The following DOCK3 variants were observed in gnomAD, a reference collection of about 807,000 sequenced individuals.
The protein encoded by DOCK3 is dedicator of cytokinesis protein 3.
A neutral mutation model predicts 265.6 loss-of-function variants in DOCK3; 60 were observed. That is an observed-to-expected ratio of 0.23 (90% CI 0.18 to 0.28). The LOEUF (loss-of-function observed/expected upper bound fraction) is 0.28. Ranked by LOEUF, DOCK3 falls within the 10% of genes least tolerant of loss-of-function variation. The probability of loss-of-function intolerance (pLI) is 1.00; values close to 1 mark genes in which losing one functional copy is unlikely to be tolerated. For missense variants in DOCK3, 1,981 were observed against 2,594.3 expected, an observed-to-expected ratio of 0.76 and a Z score of 5.14; for synonymous variants, 881 against 938.0, an observed-to-expected ratio of 0.94 and a Z score of 1.11.
At chr3:51,078,916 C>A (rs956389780) in intron 7 of DOCK3, among the ~76,000 whole-genome samples, 3 of 152,106 alleles carry the variant, frequency 2.0e-5, no homozygotes, top group Admixed American at 6.5e-5. Context: ...AATTTCCTGT[C>A]TTTTTATCTC....
chr3:50,719,738 C>T lies in DOCK3; in HGVS notation c.37+44438C>T, dbSNP rs578073379. The T allele has an allele frequency of 1.2e-5, 15 of 1,290,506 alleles. No individual in the cohort carries two copies. In the African/African-American group the frequency reaches 2.0e-4, roughly 18 times the overall value. 79.9% of individuals were successfully genotyped at this position (1,290,506 alleles called of 1,614,324 possible). On this transcript the variant is annotated intron_variant, in intron 1 of 52. Coordinates refer to ENST00000266037, the MANE Select transcript of DOCK3 (RefSeq NM_004947.5). ...TGAAGTTCTTATCATCAAATTTCTC[C>T]CTATAGATGGACTTGCCACCAGTGC...
At chr3:51,171,110 T>G (rs1163641381) in intron 12 of DOCK3, among the ~76,000 whole-genome samples, 1 of 152,172 alleles carries the variant, frequency 6.6e-6, no homozygotes, top group East Asian at 1.9e-4. Context: ...GTTTGCTATT[T>G]TTTAGTTCCT....
intron 1 of DOCK3, among the ~76,000 whole-genome samples, chr3:50,750,487 G>C (rs1020603325): frequency 2.6e-5 from 4 of 151,830 alleles, no homozygotes; most frequent in Non-Finnish European, 5.9e-5. Flanking sequence ...CTGCCACCAC[G>C]CCCAGCTAAT....
intron 14 of DOCK3, among the ~76,000 whole-genome samples, chr3:51,216,945 C>T (rs2089820145): frequency 1.3e-5 from 2 of 152,064 alleles, no homozygotes; most frequent in Admixed American, 1.3e-4. Context: ...GCTGGTGTGA[C>T]CAAGTTACAA....
rs182577699 is a variant in DOCK3 at position 50,787,624 on chromosome 3, C to G, written c.121+8866C>G. On this transcript the variant is annotated intron_variant, in intron 2 of 52. Transcript: ENST00000266037. Reference sequence around the variant, plus strand: ...AGGCTCCTTTGTTTCCCGCTTCTTACGCTTAGGTGGCTCTGCACTCTTCCT... The same window carrying G: ...AGGCTCCTTTGTTTCCCGCTTCTTAGGCTTAGGTGGCTCTGCACTCTTCCT... 223 of 1,273,156 alleles carry G rather than the reference C, an allele frequency of 1.8e-4. 1 individual carries two copies. In the African/African-American group the frequency reaches 3.0e-3, roughly 17 times the overall value. The allele number at this position is 1,273,156 out of a possible 1,614,324, so 78.9% of individuals were successfully genotyped here.
chr3:50,723,059 C>T (rs182833783), intron 1 of DOCK3, among the ~76,000 whole-genome samples: 2 of 152,216 alleles, frequency 1.3e-5, no homozygotes, highest in Admixed American at 1.3e-4. Context: ...AGACGTGGAC[C>T]ACCATGCCTG....
At chr3:51,132,431 G>A (rs953601911) in intron 9 of DOCK3, among the ~76,000 whole-genome samples, 8 of 152,160 alleles carry the variant, frequency 5.3e-5, no homozygotes, top group South Asian at 4.2e-4. Flanking sequence ...AGAAGCAAAC[G>A]GGTGTTGGGG....
intron 12 of DOCK3, among the ~76,000 whole-genome samples, chr3:51,161,677 T>C (rs1195161639): frequency 6.6e-6 from 1 of 152,204 alleles, no homozygotes; most frequent in Non-Finnish European, 1.5e-5. Flanking sequence ...ATGCTTCTCA[T>C]GTGTCTTGGC....
At chr3:51,038,432 T>C (rs1449073803) in intron 5 of DOCK3, among the ~76,000 whole-genome samples, 1 of 152,166 alleles carries the variant, frequency 6.6e-6, no homozygotes, top group Non-Finnish European at 1.5e-5. Flanking sequence ...AGAGAGGCAT[T>C]TGTATAGCAG....
intron 9 of DOCK3, among the ~76,000 whole-genome samples, chr3:51,136,307 AG>A (rs1379879675): frequency 6.6e-6 from 1 of 151,394 alleles, no homozygotes; most frequent in Non-Finnish European, 1.5e-5. Context: ...GGCTCACTGC[AG>A]GCTCTGCCTC....
intron 10 of DOCK3, among the ~76,000 whole-genome samples, chr3:51,151,885 C>T (rs1277042041): frequency 6.6e-6 from 1 of 152,148 alleles, no homozygotes; most frequent in Non-Finnish European, 1.5e-5. Flanking sequence ...GATGGGCTTC[C>T]CTTTGTGGGT....
chr3:51,012,256 A>G (rs2078982200), intron 5 of DOCK3, among the ~76,000 whole-genome samples: 1 of 152,180 alleles, frequency 6.6e-6, no homozygotes, highest in African/African-American at 2.4e-5. Flanking sequence ...GGTGGAGTCT[A>G]CAGAGGCAGG....
At chr3:51,300,435 A>G (rs949976936) in intron 27 of DOCK3, among the ~76,000 whole-genome samples, 22 of 152,174 alleles carry the variant, frequency 1.4e-4, no homozygotes, top group African/African-American at 4.6e-4. Flanking sequence ...TTCCAGTACT[A>G]TGTTGAATAG....
chr3:51,362,506 C>A, intron 48 of DOCK3, 21 bp from the exon 49 acceptor site: 1 of 1,592,714 alleles, frequency 6.3e-7, no homozygotes, highest in Non-Finnish European at 8.5e-7. Context: ...CTCTATCCTG[C>A]TGATTTTTCT....
intron 9 of DOCK3, among the ~76,000 whole-genome samples, chr3:51,141,727 G>C (rs571640508): frequency 1.6e-4 from 25 of 152,302 alleles, no homozygotes; most frequent in African/African-American, 5.5e-4. Context: ...AAAAACGGAA[G>C]TAGAGCTGGG....
intron 27 of DOCK3, among the ~76,000 whole-genome samples, chr3:51,309,527 G>GGCA (rs1008511176): frequency 6.6e-6 from 1 of 152,238 alleles, no homozygotes; most frequent in Non-Finnish European, 1.5e-5. Flanking sequence ...GAGCCGAGAT[G>GGCA]GCAGCAGTAC....
chr3:50,862,355 G>A (rs1402476958), intron 3 of DOCK3, among the ~76,000 whole-genome samples: 1 of 152,188 alleles, frequency 6.6e-6, no homozygotes, highest in Non-Finnish European at 1.5e-5. Flanking sequence ...CAAGCCCTTC[G>A]GGCAGCATAT....
chr3:50,818,706 G>C (rs1404037288), intron 2 of DOCK3, among the ~76,000 whole-genome samples: 3 of 152,194 alleles, frequency 2.0e-5, no homozygotes, highest in African/African-American at 7.2e-5. Context: ...GAAGATTTTA[G>C]AAATTATTTG....
chr3:50,986,464 C>T (rs2077904597), intron 5 of DOCK3, among the ~76,000 whole-genome samples: 1 of 152,084 alleles, frequency 6.6e-6, no homozygotes, highest in Admixed American at 6.6e-5. Flanking sequence ...ACAAATTCAC[C>T]CACATATCCC....
Sources: gnomAD v4.1 joint callset for allele counts (sites outside exome capture counted in the v4.1 genomes callset) on GRCh38, gnomAD v4.1.1 for gene constraint, MANE v1.5 for transcripts, NCBI Gene and HGNC (gene_info 2026-07-23, HGNC 2026-07-21) for gene names.